The following GALNTL6 variants were observed in gnomAD, a reference collection of about 807,000 sequenced individuals.
The protein encoded by GALNTL6 is polypeptide N-acetylgalactosaminyltransferase like 6.
Under a neutral mutation model 73.7 loss-of-function variants are expected in GALNTL6, and 46 were observed. The ratio of observed to expected loss-of-function variants is 0.62; its 90% CI spans 0.49 to 0.80. GALNTL6 has a LOEUF of 0.80. Ranked by LOEUF, GALNTL6 falls within the 30% of genes least tolerant of loss-of-function variation. The pLI, the probability that GALNTL6 is intolerant of heterozygous loss-of-function variation, is 0.00. For missense variants in GALNTL6, 604 were observed against 755.0 expected (o/e 0.80, Z 2.34); for synonymous variants, 259 against 263.7 (o/e 0.98, Z 0.17).
chr4:171,964,343 T>G (rs562864389), intron 2 of GALNTL6, among the ~76,000 whole-genome samples: 1 of 152,300 alleles, frequency 6.6e-6, no homozygotes, highest in East Asian at 1.9e-4. Flanking sequence ...TTCAATATAC[T>G]TTTATTAGGC....
intron 5 of GALNTL6, among the ~76,000 whole-genome samples, chr4:172,799,173 C>A (rs1356464966): frequency 6.6e-6 from 1 of 152,106 alleles, no homozygotes; most frequent in African/African-American, 2.4e-5. Flanking sequence ...AAAGAGCAGA[C>A]CACACAGCTA....
At chr4:171,830,948 TTTTTAAAACTTTAC>T (rs1488594891) in intron 2 of GALNTL6, among the ~76,000 whole-genome samples, 2 of 152,160 alleles carry the variant, frequency 1.3e-5, no homozygotes, top group African/African-American at 4.8e-5. Flanking sequence ...GAAAAGCTTA[TTTTTAAAACTTTAC>T]TAATCTTTAA....
chr4:172,182,790 C>T (rs57598854), intron 2 of GALNTL6, among the ~76,000 whole-genome samples: 3,437 of 151,972 alleles, frequency 0.023, 131 homozygotes, highest in African/African-American at 0.077. Flanking sequence ...ATTCATACAT[C>T]AGATTTTCAC....
At chr4:172,967,878 T>C (rs1750404100) in intron 10 of GALNTL6, among the ~76,000 whole-genome samples, 1 of 152,180 alleles carries the variant, frequency 6.6e-6, no homozygotes, top group Non-Finnish European at 1.5e-5. Flanking sequence ...GGGACTACTG[T>C]AGTTTTGTTT....
intron 8 of GALNTL6, among the ~76,000 whole-genome samples, chr4:172,906,515 CAGCATGTTTT>C (rs561464009): frequency 5.1e-4 from 78 of 152,284 alleles, no homozygotes; most frequent in African/African-American, 1.5e-3. Context: ...GTCAGAACTC[CAGCATGTTTT>C]AGCAGAGTTC....
At position 172,510,412 on chromosome 4, in the gene GALNTL6, T is replaced by G. The variant is rs185546871; in HGVS notation, c.553+161723T>G. ...ATCAGTGACAGTTTGATTTCTTCTT[T>G]GCTGATTTGGATGTCATTATTTCTT... is the stretch of plus-strand genomic sequence containing the variant. On this transcript the variant is annotated intron_variant, in intron 5 of 12. Coordinates refer to ENST00000506823, the MANE Select transcript of GALNTL6 (RefSeq NM_001034845.3). 3.3e-3 allele frequency among the ~76,000 whole-genome samples: 179 copies of G among 54,856 alleles called. 87 individuals are homozygous for G. In the East Asian group the frequency reaches 0.47, roughly 144 times the overall value. The allele number at this position is 54,856 out of a possible 152,430, so 36.0% of individuals were successfully genotyped here.
chr4:172,296,867 G>A (rs62332770), intron 3 of GALNTL6, among the ~76,000 whole-genome samples: 62,898 of 151,984 alleles, frequency 0.41, 15,135 homozygotes, highest in South Asian at 0.64. Flanking sequence ...TAATCCTTTG[G>A]GTATATACCC....
intron 5 of GALNTL6, among the ~76,000 whole-genome samples, chr4:172,468,459 T>A (rs1732920941): frequency 6.6e-6 from 1 of 152,246 alleles, no homozygotes; most frequent in Non-Finnish European, 1.5e-5. Flanking sequence ...TATTGTTATA[T>A]AATCTATTGG....
intron 2 of GALNTL6, among the ~76,000 whole-genome samples, chr4:171,896,229 ATTAT>A (rs918687481): frequency 6.6e-6 from 1 of 152,220 alleles, no homozygotes; most frequent in African/African-American, 2.4e-5. Flanking sequence ...TTCTGTTTTA[ATTAT>A]TTATTTTATT....
chr4:171,992,855 G>T (rs941122245), intron 2 of GALNTL6, among the ~76,000 whole-genome samples: 10 of 152,036 alleles, frequency 6.6e-5, no homozygotes, highest in African/African-American at 2.2e-4. Context: ...ATGTGCAGAA[G>T]TGTCTTAAGA....
chr4:172,366,713 T>G (rs1170858853), intron 5 of GALNTL6, among the ~76,000 whole-genome samples: 1 of 152,154 alleles, frequency 6.6e-6, no homozygotes, highest in Non-Finnish European at 1.5e-5. Context: ...CTAACCTTGA[T>G]TTTTTCTCTT....
chr4:172,660,087 T>G (rs566087967), intron 5 of GALNTL6, among the ~76,000 whole-genome samples: 1 of 152,346 alleles, frequency 6.6e-6, no homozygotes, highest in Non-Finnish European at 1.5e-5. Flanking sequence ...TTTAAAATGT[T>G]CAGAAATACG....
chr4:171,820,055 AGTC>A (rs1032335313), intron 2 of GALNTL6, among the ~76,000 whole-genome samples: 7 of 152,172 alleles, frequency 4.6e-5, no homozygotes, highest in Admixed American at 4.6e-4. Context: ...CTCAAAATGT[AGTC>A]GTAATGCTTG....
Position 172,885,853 on chromosome 4 carries a change from C to A in GALNTL6, c.1041+2946C>A, listed in dbSNP as rs560022974. Among the ~76,000 whole-genome samples, 3 of 152,276 alleles carry A rather than the reference C, an allele frequency of 2.0e-5. No homozygotes were observed. The East Asian group carries it at 5.8e-4, about 29-fold the overall frequency. On this transcript the variant is annotated intron_variant, in intron 8 of 12. Coordinates refer to ENST00000506823, the MANE Select transcript of GALNTL6 (RefSeq NM_001034845.3). ...CCTTGATTCTCTTGTTGTGATATAT[C>A]ACACTTATTGATTTGTATACGTTGA...
At chr4:172,955,820 G>T (rs539923145) in intron 10 of GALNTL6, among the ~76,000 whole-genome samples, 15 of 151,946 alleles carry the variant, frequency 9.9e-5, no homozygotes, top group East Asian at 1.9e-4. Context: ...ACAGTCAAAG[G>T]GGGGGTTGTT....
chr4:172,299,493 T>C (rs1739822979), intron 3 of GALNTL6, among the ~76,000 whole-genome samples: 2 of 152,208 alleles, frequency 1.3e-5, no homozygotes, highest in Admixed American at 6.5e-5. Context: ...CTGCTTTCTC[T>C]TGTGGGCATT....
intron 10 of GALNTL6, among the ~76,000 whole-genome samples, chr4:172,957,269 A>G (rs1468876068): frequency 2.0e-5 from 3 of 152,208 alleles, no homozygotes; most frequent in Non-Finnish European, 4.4e-5. Flanking sequence ...AAAAGGAAAT[A>G]AGAGGTTCTA....
At chr4:172,816,887 A>G (rs2111009470) in intron 7 of GALNTL6, among the ~76,000 whole-genome samples, 1 of 151,974 alleles carries the variant, frequency 6.6e-6, no homozygotes, top group East Asian at 1.9e-4. Context: ...TGGGTGGATC[A>G]TTTGAGGTCA....
At chr4:172,596,154 A>T (rs1352292161) in intron 5 of GALNTL6, among the ~76,000 whole-genome samples, 1 of 152,074 alleles carries the variant, frequency 6.6e-6, no homozygotes, top group Non-Finnish European at 1.5e-5. Flanking sequence ...ATATAATAGA[A>T]TGTGTTAAAG....
Sources: gnomAD v4.1 joint callset for allele counts (sites outside exome capture counted in the v4.1 genomes callset) on GRCh38, gnomAD v4.1.1 for gene constraint, MANE v1.5 for transcripts, NCBI Gene and HGNC (gene_info 2026-07-23, HGNC 2026-07-21) for gene names.